The following E2F5 variants were observed in gnomAD, a reference collection of about 807,000 sequenced individuals.
E2F5 encodes E2F transcription factor 5.
A neutral mutation model predicts 39.1 loss-of-function variants in E2F5; 23 were observed. The ratio of observed to expected loss-of-function variants is 0.59; its 90% confidence interval spans 0.42 to 0.83. E2F5 has a LOEUF of 0.83. E2F5 is among the 40% of genes least tolerant of loss of function. The pLI is 0.00. For missense variants in E2F5, 365 were observed against 406.7 expected (o/e 0.90, Z 0.88); for synonymous variants, 145 against 157.8 (o/e 0.92, Z 0.61).
At chr8:85,190,551 T>C (rs112704255) in intron 1 of E2F5, among the ~76,000 whole-genome samples, 128 of 141,716 alleles carry the variant, frequency 9.0e-4, no homozygotes, top group African/African-American at 2.8e-3. Flanking sequence ...TCACCCAGGT[T>C]GAAGTGCAGT....
rs1287624073 is a variant in E2F5 at position 85,214,085 on chromosome 8, C to T, written c.*223C>T. Reference sequence around the variant, plus strand: ...GTGATTTAATATCCACAAACGTCCCCACTCCCAAAAGTAACTATATTCTGG... The same window carrying T: ...GTGATTTAATATCCACAAACGTCCCTACTCCCAAAAGTAACTATATTCTGG... On this transcript the variant is annotated 3_prime_UTR_variant, in exon 8 of 8. Transcript: ENST00000416274. 5 of 590,508 alleles carry T rather than the reference C, an allele frequency of 8.5e-6. No individual in the cohort carries two copies. The highest frequency in any genetic ancestry group is 1.5e-5 in the Non-Finnish European group (5 of 324,116). 36.6% of individuals were successfully genotyped at this position (590,508 alleles called of 1,614,324 possible).
At chr8:85,199,716 G>A (rs1236563317) in intron 1 of E2F5, among the ~76,000 whole-genome samples, 2 of 152,130 alleles carry the variant, frequency 1.3e-5, no homozygotes. Flanking sequence ...CCCACGATCC[G>A]TTTCAACCTG....
chr8:85,205,738 A>C (rs553808066), intron 3 of E2F5, among the ~76,000 whole-genome samples: 1 of 152,332 alleles, frequency 6.6e-6, no homozygotes, highest in East Asian at 1.9e-4. Flanking sequence ...TATGAGTATA[A>C]TACTTTGTTT....
At chr8:85,207,991 A>C (rs1812832706) in intron 5 of E2F5, among the ~76,000 whole-genome samples, 1 of 152,224 alleles carries the variant, frequency 6.6e-6, no homozygotes. Context: ...GGATGTCAAG[A>C]AATGACTAAT....
At chr8:85,187,226 T>C (rs1395729254) in intron 1 of E2F5, among the ~76,000 whole-genome samples, 1 of 152,154 alleles carries the variant, frequency 6.6e-6, no homozygotes, top group Non-Finnish European at 1.5e-5. Context: ...TTTGGCCTCA[T>C]ATATAATCTA....
intron 1 of E2F5, among the ~76,000 whole-genome samples, chr8:85,194,689 C>T (rs1177983251): frequency 6.6e-5 from 10 of 151,154 alleles, no homozygotes; most frequent in African/African-American, 2.2e-4. Context: ...CGCCTGCCAC[C>T]GCGCATGGCT....
At chr8:85,181,630 C>T (rs1271893089) in intron 1 of E2F5, among the ~76,000 whole-genome samples, 4 of 148,050 alleles carry the variant, frequency 2.7e-5, no homozygotes, top group African/African-American at 4.9e-5. Context: ...TGAGCCACCG[C>T]GCCTGGCCAT....
At chr8:85,200,174 G>T (rs1156772248) in intron 1 of E2F5, 1 of 257,452 alleles carries the variant, frequency 3.9e-6, no homozygotes, top group Admixed American at 6.5e-5. Flanking sequence ...TTGAACCCAG[G>T]TGGTGGAGGT....
intron 1 of E2F5, among the ~76,000 whole-genome samples, chr8:85,181,946 A>T (rs1382438219): frequency 7.5e-6 from 1 of 133,064 alleles, no homozygotes; most frequent in Non-Finnish European, 1.6e-5. Context: ...GGGCGACAAG[A>T]GCGAAACTGT....
chr8:85,193,794 T>G (rs1812519531), intron 1 of E2F5, among the ~76,000 whole-genome samples: 2 of 152,250 alleles, frequency 1.3e-5, no homozygotes, highest in African/African-American at 4.8e-5. Context: ...TTCATATTAT[T>G]GCATGTACCA....
At chr8:85,209,482 G>A in intron 6 of E2F5, 73 bp downstream of exon 6, 2 of 1,482,322 alleles carry the variant, frequency 1.3e-6, no homozygotes, top group Admixed American at 2.4e-5. Flanking sequence ...CTTATCCAAA[G>A]TGCTTGTGAC....
At chr8:85,210,675 TA>T (rs78651124) in intron 6 of E2F5, among the ~76,000 whole-genome samples, 457 of 131,360 alleles carry the variant, frequency 3.5e-3, no homozygotes, top group Middle Eastern at 8.0e-3. Flanking sequence ...GACTCCATCT[TA>T]AAAAAAAAAA....
rs1322682938 is a variant in E2F5 at position 85,179,708 on chromosome 8, G to A, written c.234+2054G>A. ...GGAGTCTTGCTCTGTCGCCCAGGCT[G>A]GAGTGCAGTGGCGCGATCTGGGCTC... On this transcript the variant is annotated intron_variant, in intron 1 of 7. Coordinates refer to ENST00000416274, the MANE Select transcript of E2F5 (RefSeq NM_001951.4). Among the ~76,000 whole-genome samples, 3 of 151,152 alleles carry A rather than the reference G, an allele frequency of 2.0e-5. No individual in the cohort carries two copies. In the East Asian group the frequency reaches 5.8e-4, roughly 29 times the overall value.
At chr8:85,177,856 G>A in intron 1 of E2F5, 4 of 943,238 alleles carry the variant, frequency 4.2e-6, no homozygotes, top group South Asian at 5.3e-5. Flanking sequence ...GGATGGCACC[G>A]AGCGGACGCG....
At chr8:85,187,754 T>C (rs962088945) in intron 1 of E2F5, 2 of 152,216 alleles carry the variant, frequency 1.3e-5, no homozygotes, top group Non-Finnish European at 2.9e-5. Flanking sequence ...TGCCTTTTTA[T>C]TGGAGAACTT....
chr8:85,180,574 GTTTTTTTTTT>G lies in E2F5; in HGVS notation c.234+2932_234+2941del, dbSNP rs1206566160. Among the ~76,000 whole-genome samples, 31 of 56,912 alleles carry G rather than the reference GTTTTTTTTTT, an allele frequency of 5.4e-4. 1 individual carries two copies. The East Asian group carries it at 0.011, about 19-fold the overall frequency. The allele number at this position is 56,912 out of a possible 152,430, so 37.3% of individuals were successfully genotyped here. A position where few individuals can be genotyped will look rare whatever the true frequency, so the allele number is the denominator to read the frequency against. On this transcript the variant is annotated intron_variant, in intron 1 of 7. Coordinates refer to ENST00000416274, the MANE Select transcript of E2F5 (RefSeq NM_001951.4). ...TATATATGGTTTTTTGGTTGGTCTT[GTTTTTTTTTT>G]TTTTTTTTTTTGAGACAGAGTCTCG...
chr8:85,199,435 CTCT>C (rs1235801609), intron 1 of E2F5, among the ~76,000 whole-genome samples: 2 of 152,184 alleles, frequency 1.3e-5, no homozygotes, highest in African/African-American at 4.8e-5. Flanking sequence ...TAACTTCCCT[CTCT>C]TCTTTGAGGG....
chr8:85,210,997 T>C (rs189028903), intron 6 of E2F5, among the ~76,000 whole-genome samples: 10 of 152,026 alleles, frequency 6.6e-5, no homozygotes, highest in African/African-American at 2.4e-4. Flanking sequence ...AGGAGTAATA[T>C]GATTAGGAAA....
intron 1 of E2F5, among the ~76,000 whole-genome samples, chr8:85,201,320 G>T (rs959135766): frequency 1.6e-4 from 25 of 152,198 alleles, no homozygotes; most frequent in African/African-American, 6.0e-4. Context: ...ACAAATATTT[G>T]TAACTACCAT....
Sources: allele counts gnomAD v4.1 joint callset (sites outside exome capture counted in the v4.1 genomes callset), GRCh38; gene constraint gnomAD v4.1.1; transcripts MANE v1.5; gene names NCBI Gene and HGNC (gene_info 2026-07-23, HGNC 2026-07-21).